The following RNF166 variants were observed in gnomAD, a reference collection of about 807,000 sequenced individuals.
RNF166 encodes ring finger protein 166.
In RNF166, 19 loss-of-function variants were observed where a neutral mutation model predicts 29.4. The ratio of observed to expected loss-of-function variants is 0.65; its 90% CI spans 0.45 to 0.95. The LOEUF is 0.95. Ranked by LOEUF, RNF166 falls within the 40% of genes least tolerant of loss-of-function variation. The pLI is 0.00. For missense variants in RNF166, 347 were observed against 322.1 expected (o/e 1.08, Z -0.59); for synonymous variants, 171 against 134.5 (o/e 1.27, Z -1.88).
At position 88,699,076 on chromosome 16, in the gene RNF166, G is replaced by T; in HGVS notation, c.435C>A (p.Pro145=). ...PTSQPIPSNI[P]NRSTFACPYC... is the part of the protein sequence containing the mutation. ...ACGGGCAGGCGAAGGTGGACCTGTT[G>T]GGGATGTTGCTGGCGGGGCGGGGGT... Residue 145 remains proline, a synonymous_variant, in exon 4 of 6, where the codon CCC becomes CCA. Transcript: ENST00000312838. 6.2e-7 allele frequency: 1 copy of T among 1,608,128 alleles called. No individual in the cohort carries two copies. The highest frequency in any genetic ancestry group is 1.7e-4 in the Middle Eastern group (1 of 6,046).
At chr16:88,703,188 C>T (rs753507590) in intron 1 of RNF166, 33 of 979,926 alleles carry the variant, frequency 3.4e-5, no homozygotes, top group Non-Finnish European at 4.0e-5. Flanking sequence ...CGGGTGGGTG[C>T]CAGGCGAGGG....
At chr16:88,698,679 G>A (rs1597402462) in intron 4 of RNF166, 70 bp from the exon 5 acceptor site, 1 of 1,191,014 alleles carries the variant, frequency 8.4e-7, no homozygotes, top group East Asian at 2.6e-5. Flanking sequence ...AGGACTGGGG[G>A]CCCTCCACTG....
At chr16:88,702,813 A>G (rs1168085603) in intron 1 of RNF166, 3 of 985,356 alleles carry the variant, frequency 3.0e-6, no homozygotes, top group African/African-American at 1.7e-5. Context: ...AGATATTTCC[A>G]GGGTCATCCC....
chr16:88,697,601 C>G lies in RNF166; in HGVS notation c.681G>C (p.Gln227His). 2 of 1,551,722 alleles carry G rather than the reference C, an allele frequency of 1.3e-6. No individual in the cohort carries two copies. The highest frequency in any genetic ancestry group is 1.7e-6 in the Non-Finnish European group (2 of 1,147,582). The change falls in exon 6 of 6, where the codon CAG becomes CAC. Residue 227 changes from glutamine (Q) to histidine (H), a missense_variant. Physicochemically the swap from Gln to His is conservative, Grantham distance 24. Transcript: ENST00000312838. ...CAGAGAGAGACAGGGCCAGAGCAGC[C>G]TGGAAGGCGGCCTCCTCGTCAATAC... ...DYSIDEEAAF[Q>H]AALALSLSEN
chr16:88,704,202 C>T, intron 1 of RNF166: 3 of 985,448 alleles, frequency 3.0e-6, no homozygotes, highest in Non-Finnish European at 3.6e-6. Flanking sequence ...ACCTGAAGAG[C>T]CTTTAAACTT....
chr16:88,702,914 GC>G lies in RNF166; in HGVS notation c.156-1497del, dbSNP rs1284534733. The stretch of plus-strand genomic sequence containing the variant: ...CTGGCAAGATGGTCCACCTGGGGAG[GC>G]CTCAGGGGACCCCCATACTCAGGCA... On this transcript the variant is annotated intron_variant, in intron 1 of 5. Coordinates refer to ENST00000312838, the MANE Select transcript of RNF166 (RefSeq NM_178841.4). The G allele has an allele frequency of 3.0e-6, 3 of 985,364 alleles. No homozygotes were observed. In the East Asian group the frequency reaches 3.4e-4, roughly 112 times the overall value. The allele number at this position is 985,364 out of a possible 1,614,324, so 61.0% of individuals were successfully genotyped here. A position where few individuals can be genotyped will look rare whatever the true frequency, so the allele number is the denominator to read the frequency against.
At chr16:88,703,381 G>T in intron 1 of RNF166, 1 of 985,534 alleles carries the variant, frequency 1.0e-6, no homozygotes, top group Non-Finnish European at 1.2e-6. Flanking sequence ...AAGGAAAAGG[G>T]TCCCAGGCAG....
chr16:88,702,863 C>T, intron 1 of RNF166: 11 of 985,534 alleles, frequency 1.1e-5, no homozygotes, highest in Non-Finnish European at 1.3e-5. Flanking sequence ...GGGCCGCCTA[C>T]TTCACCCGTT....
At chr16:88,699,238 A>G (rs1909958246) in intron 3 of RNF166, among the ~76,000 whole-genome samples, 153 bp from the exon 4 acceptor site, 1 of 152,184 alleles carries the variant, frequency 6.6e-6, no homozygotes, top group Non-Finnish European at 1.5e-5. Flanking sequence ...TCTGCACGCC[A>G]TGGCCTCCTG....
chr16:88,706,127 G>C, intron 1 of RNF166, 44 bp downstream of exon 1: 2 of 1,114,958 alleles, frequency 1.8e-6, no homozygotes, highest in Non-Finnish European at 2.2e-6. Flanking sequence ...CTCCCGCGGC[G>C]GGGCACGGCC....
At chr16:88,698,351 AC>A (rs1909841720) in intron 5 of RNF166, 150 bp downstream of exon 5, 2 of 740,696 alleles carry the variant, frequency 2.7e-6, no homozygotes, top group African/African-American at 3.5e-5. Context: ...GGCAGCCCCC[AC>A]AGAACCTGGG....
chr16:88,704,530 C>A, intron 1 of RNF166: 1 of 985,384 alleles, frequency 1.0e-6, no homozygotes, highest in Non-Finnish European at 1.2e-6. Flanking sequence ...CCAATTTGTG[C>A]AGGTTAGGAA....
chr16:88,703,292 G>A (rs1910451639), intron 1 of RNF166: 4 of 985,234 alleles, frequency 4.1e-6, no homozygotes, highest in Non-Finnish European at 4.8e-6. Context: ...CGACTGGATG[G>A]TGCACCTCCT....
At chr16:88,703,700 G>A (rs1347212258) in intron 1 of RNF166, 2 of 985,522 alleles carry the variant, frequency 2.0e-6, no homozygotes, top group Non-Finnish European at 2.4e-6. Context: ...GAAGGAAGTG[G>A]CTGAGGGCGA....
rs574966335 is a variant in RNF166 at position 88,706,188 on chromosome 16, G to A, written c.138C>T (p.Ile46=). ...GCGCTCACGTGTGGCCGCAGCTGCC[G>A]ATGGCCACGGGCCGGTGATAGACCT... The part of the protein sequence containing the change: ...CLEVYHRPVA[I]GSCGHTFCGE... Residue 46 remains isoleucine (I), a synonymous_variant, in exon 1 of 6, where the codon ATC becomes ATT. Transcript: ENST00000312838. The A allele has an allele frequency of 9.0e-4, 1,155 of 1,283,670 alleles. 8 individuals are homozygous for A. Among genetic ancestry groups the A allele is most frequent in the South Asian group, 3.9e-3 (194 of 50,236 alleles). The allele number at this position is 1,283,670 out of a possible 1,614,324, so 79.5% of individuals were successfully genotyped here.
chr16:88,698,258 G>A, intron 5 of RNF166: 2 of 687,252 alleles, frequency 2.9e-6, no homozygotes, highest in Non-Finnish European at 2.7e-6. Flanking sequence ...GCAGGGACCT[G>A]CCCTGTGCGG....
intron 1 of RNF166, 29 bp from the exon 2 acceptor site, chr16:88,701,447 C>T (rs771494150): frequency 4.6e-6 from 7 of 1,527,762 alleles, no homozygotes; most frequent in South Asian, 2.5e-5. Context: ...TGAGTGCCAG[C>T]CCGCCCCTCG....
intron 1 of RNF166, chr16:88,704,263 T>C (rs1910548290): frequency 1.0e-6 from 1 of 985,246 alleles, no homozygotes; most frequent in South Asian, 4.7e-5. Context: ...GAAACAAAGT[T>C]AGAAGCAGAG....
intron 1 of RNF166, chr16:88,703,380 G>T: frequency 1.0e-6 from 1 of 985,492 alleles, no homozygotes; most frequent in Non-Finnish European, 1.2e-6. Flanking sequence ...GAAGGAAAAG[G>T]GTCCCAGGCA....
Sources: gnomAD v4.1 joint callset for allele counts (sites outside exome capture counted in the v4.1 genomes callset) on GRCh38, gnomAD v4.1.1 for gene constraint, MANE v1.5 for transcripts, NCBI Gene and HGNC (gene_info 2026-07-23, HGNC 2026-07-21) for gene names.